Variants in CSMD1 observed in about 807,000 individuals in gnomAD.
CSMD1 encodes the protein CUB and Sushi multiple domains 1, also known as CUB and sushi domain-containing protein 1.
CSMD1 carries 213 observed loss-of-function variants against 417.5 expected under a neutral mutation model. The observed-to-expected ratio is 0.51, with a 90% CI of 0.46 to 0.57. The LOEUF (loss-of-function observed/expected upper bound fraction) is 0.57. Ranked by LOEUF, CSMD1 falls within the 20% of genes least tolerant of loss-of-function variation. The pLI is 0.00. For missense variants in CSMD1, 6,923 were observed against 4,529.7 expected (o/e 1.53, Z -15.17); for synonymous variants, 2,862 against 1,736.8 (o/e 1.65, Z -16.11).
intron 1 of CSMD1, among the ~76,000 whole-genome samples, chr8:4,688,735 T>C (rs1018221431): frequency 6.6e-6 from 1 of 152,168 alleles, no homozygotes; most frequent in Non-Finnish European, 1.5e-5. Context: ...CATTACCTCA[T>C]GCAGTGAGTC....
At chr8:3,895,126 G>A (rs1054992313) in intron 5 of CSMD1, among the ~76,000 whole-genome samples, 1 of 152,178 alleles carries the variant, frequency 6.6e-6, no homozygotes, top group Non-Finnish European at 1.5e-5. Context: ...TGTGATTCAT[G>A]AATCACCTAG....
In CSMD1 at chr8:3,652,046, C is replaced by A. The variant is rs151015860; in HGVS notation, c.1010-35249G>T. Among the ~76,000 whole-genome samples the A allele has an allele frequency of 7.0e-3, 1,030 of 146,762 alleles. 8 individuals are homozygous for A. Among genetic ancestry groups the A allele is most frequent in the Middle Eastern group, 0.026 (7 of 266 alleles). On this transcript the variant is annotated intron_variant, in intron 7 of 69. Coordinates refer to ENST00000635120, the MANE Select transcript of CSMD1 (RefSeq NM_033225.6). ...CAGAGCACTTACTACCATCACAGCA[C>A]CCACCACCATCGCACTTACCCCCAT...
chr8:3,158,067 T>C, intron 38 of CSMD1, 101 bp from the exon 39 acceptor site: 2 of 989,176 alleles, frequency 2.0e-6, no homozygotes, highest in South Asian at 1.6e-5. Context: ...CTTGTTTTAA[T>C]TATAAATATT....
intron 22 of CSMD1, among the ~76,000 whole-genome samples, chr8:3,346,962 C>T (rs2119848): frequency 0.98 from 149,828 of 152,344 alleles, 73,739 homozygotes; most frequent in Middle Eastern, 1. Flanking sequence ...AAGCAGGTGA[C>T]TGGACGGATG....
At chr8:3,295,722 G>A (rs753565984) in intron 25 of CSMD1, among the ~76,000 whole-genome samples, 1 of 152,000 alleles carries the variant, frequency 6.6e-6, no homozygotes, top group African/African-American at 2.4e-5. Context: ...TATATCTTTA[G>A]GAATACCTGA....
intron 1 of CSMD1, among the ~76,000 whole-genome samples, chr8:4,672,324 G>C (rs772129501): frequency 6.6e-6 from 1 of 152,100 alleles, no homozygotes; most frequent in Non-Finnish European, 1.5e-5. Context: ...CTCAACCTAG[G>C]GTAAAAGGTG....
chr8:4,718,043 T>A (rs1394405115), intron 1 of CSMD1, among the ~76,000 whole-genome samples: 5 of 152,144 alleles, frequency 3.3e-5, no homozygotes, highest in Non-Finnish European at 5.9e-5. Flanking sequence ...AGTGGCACAA[T>A]CACAGCTCCC....
intron 1 of CSMD1, among the ~76,000 whole-genome samples, chr8:4,692,123 C>G (rs1806807490): frequency 6.6e-6 from 1 of 152,164 alleles, no homozygotes; most frequent in East Asian, 1.9e-4. Context: ...GTACTCAGCC[C>G]AGGGGCTCCA....
At chr8:3,195,927 C>T (rs1796679525) in intron 33 of CSMD1, among the ~76,000 whole-genome samples, 1 of 152,108 alleles carries the variant, frequency 6.6e-6, no homozygotes, top group Non-Finnish European at 1.5e-5. Flanking sequence ...CAGAGTGACT[C>T]CATCTTCAAT....
At chr8:4,702,178 T>C (rs751082291) in intron 1 of CSMD1, among the ~76,000 whole-genome samples, 2 of 152,202 alleles carry the variant, frequency 1.3e-5, no homozygotes, top group African/African-American at 4.8e-5. Context: ...ACCTAGGTGA[T>C]GGGTTGACAG....
intron 5 of CSMD1, among the ~76,000 whole-genome samples, chr8:3,907,127 A>G (rs1455199555): frequency 6.6e-6 from 1 of 152,220 alleles, no homozygotes; most frequent in African/African-American, 2.4e-5. Context: ...CACTATTCAT[A>G]AACATTACTT....
chr8:4,120,009 A>G (rs1364632665), intron 3 of CSMD1, among the ~76,000 whole-genome samples: 3 of 152,168 alleles, frequency 2.0e-5, no homozygotes, highest in Admixed American at 6.5e-5. Flanking sequence ...CAATAGGGTG[A>G]CGGCAGTTGA....
At chr8:3,471,197 T>G (rs1011811310) in intron 11 of CSMD1, among the ~76,000 whole-genome samples, 1 of 152,208 alleles carries the variant, frequency 6.6e-6, no homozygotes, top group African/African-American at 2.4e-5. Flanking sequence ...TTTTCCACAC[T>G]TTAACAGCTA....
chr8:4,023,583 C>CTT (rs35976423), intron 4 of CSMD1, among the ~76,000 whole-genome samples: 1,896 of 130,462 alleles, frequency 0.015, 38 homozygotes, highest in African/African-American at 0.046. Flanking sequence ...TGCTTTTCAA[C>CTT]TTTTTTTTTT....
chr8:4,384,721 C>T (rs975894390), intron 3 of CSMD1, among the ~76,000 whole-genome samples: 4 of 152,184 alleles, frequency 2.6e-5, no homozygotes, highest in African/African-American at 7.2e-5. Context: ...CACGTGCACA[C>T]ACTCTATGGA....
At chr8:4,121,618 T>A (rs1178266679) in intron 3 of CSMD1, among the ~76,000 whole-genome samples, 56 of 108,060 alleles carry the variant, frequency 5.2e-4, no homozygotes, top group African/African-American at 1.4e-3. Context: ...AAACACCTAG[T>A]TTAAAAAAAA....
At chr8:3,294,416 C>T (rs1196690156) in intron 25 of CSMD1, among the ~76,000 whole-genome samples, 1 of 152,228 alleles carries the variant, frequency 6.6e-6, no homozygotes, top group Non-Finnish European at 1.5e-5. Flanking sequence ...GCCCTGCCTG[C>T]AGAGGTGGAG....
chr8:4,440,160 G>GT (rs1563175000), intron 2 of CSMD1, among the ~76,000 whole-genome samples: 1 of 152,076 alleles, frequency 6.6e-6, no homozygotes, highest in Admixed American at 6.5e-5. Context: ...TAATTTGGAC[G>GT]TTTCTTTCTA....
At chr8:4,423,617 G>A (rs1000804439) in intron 2 of CSMD1, among the ~76,000 whole-genome samples, 2 of 152,022 alleles carry the variant, frequency 1.3e-5, no homozygotes, top group Non-Finnish European at 2.9e-5. Flanking sequence ...ATAATGTAAA[G>A]ATATAGGTTA....
Sources: allele counts gnomAD v4.1 joint callset (sites outside exome capture counted in the v4.1 genomes callset), GRCh38; gene constraint gnomAD v4.1.1; transcripts MANE v1.5; gene names NCBI Gene and HGNC (gene_info 2026-07-23, HGNC 2026-07-21).